TET1: variants seen among roughly 807,000 people sequenced by gnomAD.
TET1 encodes the protein methylcytosine dioxygenase TET1.
In TET1, 13 loss-of-function variants were observed where a neutral mutation model predicts 148.7. The observed-to-expected ratio is 0.09, with a 90% CI of 0.06 to 0.14. TET1 has a LOEUF of 0.14. Among genes scored for constraint, TET1 ranks in the 10% least tolerant of loss-of-function variants. TET1 has a pLI of 1.00. For missense variants in TET1, 2,182 were observed against 2,553.8 expected (o/e 0.85, Z 3.14); for synonymous variants, 907 against 937.2 (o/e 0.97, Z 0.59).
chr10:68,572,657 C>A lies in TET1; in HGVS notation c.319C>A (p.Arg107=). 1 of 1,614,060 alleles carries A rather than the reference C, an allele frequency of 6.2e-7. No homozygotes were observed. The highest frequency in any genetic ancestry group is 8.5e-7 in the Non-Finnish European group (1 of 1,180,008). ...LTCNGFTMAL[R]STSLSRRLSQ... ...CTGCAATGGGTTTACAATGGCGCTA[C>A]GAAGCACCTCTCTTAGCAGGCGACT... Residue 107 remains arginine (R), a synonymous_variant, in exon 2 of 12, where the codon CGA becomes AGA. Coordinates refer to ENST00000373644, the MANE Select transcript of TET1 (RefSeq NM_030625.3).
In TET1 at chr10:68,691,872, G is replaced by A; in HGVS notation, c.*58G>A. ...GTGCAGTGTATTTTTTCAAGGTGCTGTTAAAAGAAAGTCATGTTGTCGTTT... is the reference window on the plus strand; with the variant it reads ...GTGCAGTGTATTTTTTCAAGGTGCTATTAAAAGAAAGTCATGTTGTCGTTT... On this transcript the variant is annotated 3_prime_UTR_variant, in exon 12 of 12. Coordinates refer to ENST00000373644, the MANE Select transcript of TET1 (RefSeq NM_030625.3). The surrounding 1 kb of genome is among the most constrained non-coding windows in gnomAD (Gnocchi z 4.4). 1 of 1,520,658 alleles carries A rather than the reference G, an allele frequency of 6.6e-7. No individual in the cohort carries two copies. Among genetic ancestry groups the A allele is most frequent in the Non-Finnish European group, 8.8e-7 (1 of 1,135,728 alleles). The allele number at this position is 1,520,658 out of a possible 1,614,324, so 94.2% of individuals were successfully genotyped here.
rs1564975226 is a variant in TET1, at chr10:68,624,685, TC to T, written c.1969-20012del. ...CTCTCTCTCTCTCTCTCTCTCTCTC[TC>T]TCTCTCTCTCTTTCTTTCTTTTCCT... is the stretch of plus-strand genomic sequence containing the variant. On this transcript the variant is annotated intron_variant, in intron 3 of 11. Transcript: ENST00000373644. Among the ~76,000 whole-genome samples, 55 of 131,216 alleles carry T rather than the reference TC, an allele frequency of 4.2e-4. 1 individual carries two copies. Among genetic ancestry groups the T allele is most frequent in the African/African-American group, 1.5e-3 (51 of 34,748 alleles). 86.1% of individuals were successfully genotyped at this position (131,216 alleles called of 152,430 possible).
At position 68,691,499 on chromosome 10, in the gene TET1, T is replaced by A. The variant is rs143509806; in HGVS notation, c.6096T>A (p.Pro2032=). 6.2e-6 allele frequency: 10 copies of A among 1,614,082 alleles called. No individual in the cohort carries two copies. The African/African-American group carries it at 1.2e-4, about 19-fold the overall frequency. Residue 2032 remains proline, a synonymous_variant, in exon 12 of 12, where the codon CCT becomes CCA. Coordinates refer to ENST00000373644, the MANE Select transcript of TET1 (RefSeq NM_030625.3). This position sits in a 1 kb window ranked among gnomAD's most constrained non-coding sequence, Gnocchi z 4.4. ...CARRELHATT[P]VEHPNRNHPT... Reference sequence around the variant, plus strand: ...GGCGAGAGCTGCACGCTACCACTCCTGTTGAGCACCCCAACCGTAATCATC... The same window carrying A: ...GGCGAGAGCTGCACGCTACCACTCCAGTTGAGCACCCCAACCGTAATCATC...
rs756857307 is a variant in TET1, at chr10:68,644,835, G to A, written c.2106G>A (p.Met702Ile). 1 of 1,613,918 alleles carries A rather than the reference G, an allele frequency of 6.2e-7. No homozygotes were observed. Residue 702 changes from methionine (M) to isoleucine (I), a missense_variant, in exon 4 of 12, where the codon ATG (methionine) becomes ATA (isoleucine). By Grantham distance (10) the Met-to-Ile change is conservative. Transcript: ENST00000373644. ...ATGTAACTAAAAATGAAGACAGCAT[G>A]ACAGGCATCGAGGTGGAGAAGTGGA... Reference protein sequence around the residue: ...VENVTKNEDSMTGIEVEKWTQ... With the variant: ...VENVTKNEDSITGIEVEKWTQ...
chr10:68,646,145 T>C lies in TET1; in HGVS notation c.3416T>C (p.Leu1139Ser). Residue 1139 changes from leucine (L) to serine (S), a missense_variant, in exon 4 of 12, where the codon TTA becomes TCA. This residue lies in a region of TET1 where 582 missense variants were observed against 599.5 expected (regional missense o/e 0.97). Transcript: ENST00000373644. ...GTACACAATAATCATGGTTCATCAT[T>C]AACAAAACAAAAGAACCCAACCCAG... ...SSVHNNHGSS[L>S]TKQKNPTQKK... The C allele has an allele frequency of 1.2e-6, 2 of 1,613,040 alleles. No individual in the cohort carries two copies. The highest frequency in any genetic ancestry group is 1.7e-6 in the Non-Finnish European group (2 of 1,179,812).
In TET1 at chr10:68,687,089, G is replaced by T. The variant is rs748322818; in HGVS notation, c.5404+382G>T. Among the ~76,000 whole-genome samples the T allele has an allele frequency of 2.6e-5, 4 of 151,642 alleles. No homozygotes were observed. In the East Asian group the frequency reaches 7.7e-4, roughly 29 times the overall value. ...TTTTTAGTAGAGACGGGGTTTCACCGTGTTAGGCAGGATGGTCTCGATCTC... is the reference window on the plus strand; with the variant it reads ...TTTTTAGTAGAGACGGGGTTTCACCTTGTTAGGCAGGATGGTCTCGATCTC... On this transcript the variant is annotated intron_variant, in intron 11 of 11. Coordinates refer to ENST00000373644, the MANE Select transcript of TET1 (RefSeq NM_030625.3).
chr10:68,669,455 C>G (rs578151154), intron 7 of TET1, among the ~76,000 whole-genome samples: 1 of 140,636 alleles, frequency 7.1e-6, no homozygotes, highest in African/African-American at 2.6e-5. Flanking sequence ...GGACTACAGG[C>G]GCCTGCCACC....
intron 4 of TET1, 118 bp downstream of exon 4, chr10:68,647,123 T>C (rs1031813026): frequency 2.7e-5 from 29 of 1,065,314 alleles, no homozygotes; most frequent in Non-Finnish European, 3.7e-5. Context: ...TTATTCTAAC[T>C]AAGATGGATT....
chr10:68,591,624 C>T (rs186550150), intron 2 of TET1, among the ~76,000 whole-genome samples: 4 of 152,200 alleles, frequency 2.6e-5, no homozygotes, highest in South Asian at 2.1e-4. Flanking sequence ...ACATAAAGGC[C>T]GGGCACAGTG....
intron 2 of TET1, among the ~76,000 whole-genome samples, chr10:68,595,468 A>ATGC (rs2053966924): frequency 6.6e-6 from 1 of 152,008 alleles, no homozygotes; most frequent in South Asian, 2.1e-4. Context: ...TCCTTGTAGT[A>ATGC]TGCTGCTGTT....
chr10:68,661,706 A>G (rs920217755), intron 6 of TET1, among the ~76,000 whole-genome samples: 3 of 151,686 alleles, frequency 2.0e-5, no homozygotes, highest in African/African-American at 7.3e-5. Flanking sequence ...GCTGGTCTTT[A>G]ACTCCTGGGC....
At chr10:68,614,660 G>T (rs1327128763) in intron 3 of TET1, among the ~76,000 whole-genome samples, 1 of 152,148 alleles carries the variant, frequency 6.6e-6, no homozygotes. Flanking sequence ...GGGACTACAG[G>T]TGTGCTCACT....
rs112413582 is a variant in TET1, at chr10:68,676,157, T to TTGTGTGTGTGTGTGTGTG, written c.4824+3124_4824+3141dup. Among the ~76,000 whole-genome samples, 211 of 129,208 alleles carry TTGTGTGTGTGTGTGTGTG rather than the reference T, an allele frequency of 1.6e-3. 1 individual carries two copies. Among genetic ancestry groups the TTGTGTGTGTGTGTGTGTG allele is most frequent in the African/African-American group, 5.8e-3 (195 of 33,878 alleles). The allele number at this position is 129,208 out of a possible 152,430, so 84.8% of individuals were successfully genotyped here. A position where few individuals can be genotyped will look rare whatever the true frequency, so the allele number is the denominator to read the frequency against. On this transcript the variant is annotated intron_variant, in intron 8 of 11. Transcript: ENST00000373644. ...GGTGTGAGCCACAGCACCTGGCCTT[T>TTGTGTGTGTGTGTGTGTG]TGTGTGTGTGTGTGTGTGTGTGTGT...
At position 68,607,426 on chromosome 10, in the gene TET1, TTTTG is replaced by T. The variant is rs1564964687; in HGVS notation, c.1968+6404_1968+6407del. 5.3e-5 allele frequency among the ~76,000 whole-genome samples: 8 copies of T among 152,104 alleles called. No individual in the cohort carries two copies. In the South Asian group the frequency reaches 6.2e-4, roughly 12 times the overall value. The stretch of plus-strand genomic sequence containing the variant: ...ATCTTAAGTTTTTTTTTTTTGTTTT[TTTTG>T]TTTGTTTGTTTATTTGTTCTTGAGA... On this transcript the variant is annotated intron_variant, in intron 3 of 11. Transcript: ENST00000373644.
chr10:68,638,292 A>G (rs1015475635), intron 3 of TET1, among the ~76,000 whole-genome samples: 3 of 152,200 alleles, frequency 2.0e-5, no homozygotes, highest in African/African-American at 4.8e-5. Context: ...GGCTGACAGC[A>G]TAGGTCCTGA....
rs777837034 is a variant in TET1 at position 68,572,352 on chromosome 10, G to A, written c.14G>A (p.Arg5His). MSRS[R>H]HARPSRLVRK... The stretch of plus-strand genomic sequence containing the variant: ...TACTCTGTAGCTATGTCTCGATCCC[G>A]CCATGCAAGGCCTTCCAGATTAGTC... The change falls in exon 2 of 12, where the codon CGC becomes CAC. Residue 5 changes from arginine to histidine, a missense_variant. By Grantham distance (29) the Arg-to-His change is conservative (BLOSUM62 0). This residue lies in a region of TET1 where 665 missense variants were observed against 672.4 expected (regional missense o/e 0.99). Coordinates refer to ENST00000373644, the MANE Select transcript of TET1 (RefSeq NM_030625.3). 3.1e-6 allele frequency: 5 copies of A among 1,600,236 alleles called. No individual in the cohort carries two copies. Among genetic ancestry groups the A allele is most frequent in the Middle Eastern group, 1.7e-4 (1 of 5,982 alleles).
intron 4 of TET1, among the ~76,000 whole-genome samples, chr10:68,649,890 G>A (rs2054906012): frequency 6.6e-6 from 1 of 152,154 alleles, no homozygotes; most frequent in African/African-American, 2.4e-5. Flanking sequence ...CATGTCATTA[G>A]TAAATCATTA....
chr10:68,573,165 G>A lies in TET1; in HGVS notation c.827G>A (p.Arg276Gln), dbSNP rs753994987. Residue 276 changes from arginine to glutamine, a missense_variant, in exon 2 of 12, where the codon CGA (arginine) becomes CAA (glutamine). Around this residue, in one of 11 missense-constraint regions of TET1, gnomAD observed 665 missense variants for 672.4 expected, o/e 0.99. Transcript: ENST00000373644. ...ATTCAGTTAGAAGAGTTGGGTTCAC[G>A]AGTAGAATCTCTTAAGTTATCTGAT... ...PSIQLEELGSRVESLKLSDSY... is the reference protein window; with the variant it reads ...PSIQLEELGSQVESLKLSDSY... 54 of 1,614,000 alleles carry A rather than the reference G, an allele frequency of 3.3e-5. No homozygotes were observed. The highest frequency in any genetic ancestry group is 3.4e-5 in the Non-Finnish European group (40 of 1,180,034).
intron 3 of TET1, among the ~76,000 whole-genome samples, chr10:68,607,889 C>A (rs1383294138): frequency 6.7e-6 from 1 of 149,986 alleles, no homozygotes; most frequent in Non-Finnish European, 1.5e-5. Flanking sequence ...GGTTTGCCAA[C>A]CAAAATGGCC....
Sources: allele counts gnomAD v4.1 joint callset (sites outside exome capture counted in the v4.1 genomes callset), GRCh38; gene constraint gnomAD v4.1.1; regional missense constraint gnomAD v4.1.1; non-coding constraint Gnocchi (gnomAD v3.1); transcripts MANE v1.5; gene names NCBI Gene and HGNC (gene_info 2026-07-23, HGNC 2026-07-21).